Variants in ATP13A1 observed in about 807,000 individuals in gnomAD.
ATP13A1 encodes ATPase 13A1.
Under a neutral mutation model 134.8 loss-of-function variants are expected in ATP13A1, and 55 were observed. That is an observed-to-expected ratio of 0.41 (90% confidence interval 0.33 to 0.51). ATP13A1 has a LOEUF of 0.51. Ranked by LOEUF, ATP13A1 falls within the 20% of genes least tolerant of loss-of-function variation. The probability of loss-of-function intolerance (pLI) is 0.29; values close to 1 mark genes in which losing one functional copy is unlikely to be tolerated. For missense variants in ATP13A1, 1,389 were observed against 1,652.8 expected, an observed-to-expected ratio of 0.84 and a Z score of 2.77; for synonymous variants, 775 against 725.1, an observed-to-expected ratio of 1.07 and a Z score of -1.10.
chr19:19,647,348 G>A lies in ATP13A1; in HGVS notation c.2909-23C>T, dbSNP rs1449910381. Reference sequence around the variant, plus strand: ...AGACTGCAGGGTGGTGGGGAGGCAGGTGTGGGTGTGGGTAGGGGTGCCAAG... The same window carrying A: ...AGACTGCAGGGTGGTGGGGAGGCAGATGTGGGTGTGGGTAGGGGTGCCAAG... On this transcript the variant is annotated intron_variant, in intron 21 of 25. Coordinates refer to ENST00000357324, the MANE Select transcript of ATP13A1 (RefSeq NM_020410.3). This position sits in a 1 kb window ranked among gnomAD's most constrained non-coding sequence, Gnocchi z 4.8. 6.2e-6 allele frequency: 10 copies of A among 1,609,880 alleles called. No homozygotes were observed. Among genetic ancestry groups the A allele is most frequent in the Non-Finnish European group, 8.5e-6 (10 of 1,177,856 alleles).
chr19:19,647,642 C>A lies in ATP13A1; in HGVS notation c.2750G>T (p.Arg917Leu). 1.2e-6 allele frequency: 2 copies of A among 1,613,228 alleles called. No individual in the cohort carries two copies. Among genetic ancestry groups the A allele is most frequent in the South Asian group, 2.2e-5 (2 of 91,068 alleles). Residue 917 changes from arginine (R) to leucine (L), a missense_variant, in exon 20 of 26, where the codon CGG becomes CTG. By Grantham distance (102) the Arg-to-Leu change is moderately radical (BLOSUM62 -2). Coordinates refer to ENST00000357324, the MANE Select transcript of ATP13A1 (RefSeq NM_020410.3). This position sits in a 1 kb window ranked among gnomAD's most constrained non-coding sequence, Gnocchi z 4.8. ...IRATSRTAKQ[R>L]SGLPPSEEQP... ...CTCCTCGGAGGGAGGGAGCCCCGACCGCTGCTTGGCTGTCCTGGAGGTGGC... is the reference window on the plus strand; with the variant it reads ...CTCCTCGGAGGGAGGGAGCCCCGACAGCTGCTTGGCTGTCCTGGAGGTGGC...
chr19:19,651,570 G>T, intron 17 of ATP13A1, 119 bp downstream of exon 17: 1 of 705,070 alleles, frequency 1.4e-6, no homozygotes, highest in Non-Finnish European at 2.3e-6. Flanking sequence ...GATTAGTGGT[G>T]CCAGGCATTT....
intron 1 of ATP13A1, chr19:19,662,079 C>T: frequency 6.3e-7 from 1 of 1,576,494 alleles, no homozygotes; most frequent in Non-Finnish European, 8.6e-7. Flanking sequence ...ATCCACCTCT[C>T]CTGGCTGATG....
Position 19,656,590 on chromosome 19 carries a change from C to G in ATP13A1, c.1083+70G>C, listed in dbSNP as rs978786530. 10 of 1,497,148 alleles carry G rather than the reference C, an allele frequency of 6.7e-6. No individual in the cohort carries two copies. The highest frequency in any genetic ancestry group is 4.2e-5 in the African/African-American group (3 of 72,186). The allele number at this position is 1,497,148 out of a possible 1,614,324, so 92.7% of individuals were successfully genotyped here. A position where few individuals can be genotyped will look rare whatever the true frequency, so the allele number is the denominator to read the frequency against. On this transcript the variant is annotated intron_variant, in intron 7 of 25. Transcript: ENST00000357324. The surrounding 1 kb of genome is among the most constrained non-coding windows in gnomAD (Gnocchi z 4.6). ...TGTGCCTGAGGGGGATCCCCGCCAC[C>G]CCCTGGGCCTCCACCTCCTGGCCTG...
At chr19:19,657,629 C>T (rs936265553) in intron 3 of ATP13A1, among the ~76,000 whole-genome samples, 2 of 152,250 alleles carry the variant, frequency 1.3e-5, no homozygotes, top group African/African-American at 2.4e-5. Context: ...TGCCCGCCCA[C>T]AGCCCTCGGC....
intron 13 of ATP13A1, 57 bp from the exon 14 acceptor site, chr19:19,654,201 C>CT (rs2062042561): frequency 2.7e-6 from 4 of 1,497,422 alleles, no homozygotes; most frequent in Non-Finnish European, 3.6e-6. Context: ...GCAGCCAAGC[C>CT]CCTACCTCTC....
rs970888883 is a variant in ATP13A1, at chr19:19,663,043, T to A, written c.396+228A>T. 3 of 731,334 alleles carry A rather than the reference T, an allele frequency of 4.1e-6. No homozygotes were observed. In the African/African-American group the frequency reaches 5.2e-5, roughly 13 times the overall value. The allele number at this position is 731,334 out of a possible 1,614,324, so 45.3% of individuals were successfully genotyped here. A position where few individuals can be genotyped will look rare whatever the true frequency, so the allele number is the denominator to read the frequency against. ...TTACATCACTGAATCTAAATGACCA[T>A]AACAGGGAGGACTTCAGAAAAAGGA... is the stretch of plus-strand genomic sequence containing the variant. On this transcript the variant is annotated intron_variant, in intron 1 of 25. Coordinates refer to ENST00000357324, the MANE Select transcript of ATP13A1 (RefSeq NM_020410.3).
intron 17 of ATP13A1, 176 bp from the exon 18 acceptor site, chr19:19,650,116 G>C: frequency 1.6e-6 from 1 of 623,546 alleles, no homozygotes; most frequent in Non-Finnish European, 2.8e-6. Context: ...TGTCCCTCAG[G>C]TGCACAGGGT....
At chr19:19,652,352 G>A (rs2062030129) in intron 16 of ATP13A1, among the ~76,000 whole-genome samples, 1 of 152,196 alleles carries the variant, frequency 6.6e-6, no homozygotes, top group South Asian at 2.1e-4. Flanking sequence ...GGAGAGAAGT[G>A]CCCCCATCTT....
In ATP13A1 at chr19:19,647,387, G is replaced by A. The variant is rs371387308; in HGVS notation, c.2908+27C>T. 6.2e-7 allele frequency: 1 copy of A among 1,605,756 alleles called. No individual in the cohort carries two copies. Among genetic ancestry groups the A allele is most frequent in the Non-Finnish European group, 8.5e-7 (1 of 1,174,604 alleles). ...AGGGGTGCCAAGGGGGGAATGAAGG[G>A]AGGGGGAGCGGGGGCAGGCAACTCA... On this transcript the variant is annotated intron_variant, in intron 21 of 25. Coordinates refer to ENST00000357324, the MANE Select transcript of ATP13A1 (RefSeq NM_020410.3). This position sits in a 1 kb window ranked among gnomAD's most constrained non-coding sequence, Gnocchi z 4.8.
In ATP13A1 at chr19:19,655,820, T is replaced by A; in HGVS notation, c.1269+58A>T. ...CAGATGTTCTGGGGTCGGAAAGGGC[T>A]GATACCTTGGCTGTCCAACTGCCCT... is the stretch of plus-strand genomic sequence containing the variant. On this transcript the variant is annotated intron_variant, in intron 9 of 25. Transcript: ENST00000357324. This position sits in a 1 kb window ranked among gnomAD's most constrained non-coding sequence, Gnocchi z 5.7. The A allele has an allele frequency of 6.5e-7, 1 of 1,543,900 alleles. No individual in the cohort carries two copies. Among genetic ancestry groups the A allele is most frequent in the Non-Finnish European group, 8.7e-7 (1 of 1,148,792 alleles).
At chr19:19,662,006 G>T in intron 1 of ATP13A1, 1 of 1,544,434 alleles carries the variant, frequency 6.5e-7, no homozygotes. Flanking sequence ...TCAGTTTACA[G>T]AAGGGGGAAA....
Position 19,656,029 on chromosome 19 carries a change from C to T in ATP13A1, c.1213+25G>A, listed in dbSNP as rs368291581. The T allele has an allele frequency of 3.0e-5, 48 of 1,613,166 alleles. No individual in the cohort carries two copies. Among genetic ancestry groups the T allele is most frequent in the Non-Finnish European group, 4.1e-5 (48 of 1,179,654 alleles). ...GCAAAGGGGGTGGAAGCCCAGATAC[C>T]CCCAGACGCCCATGAGGCACCTACG... On this transcript the variant is annotated intron_variant, in intron 8 of 25. Coordinates refer to ENST00000357324, the MANE Select transcript of ATP13A1 (RefSeq NM_020410.3). This position sits in a 1 kb window ranked among gnomAD's most constrained non-coding sequence, Gnocchi z 4.6.
Position 19,646,473 on chromosome 19 carries a change from G to A in ATP13A1, c.3106-126C>T, listed in dbSNP as rs1568424710. On this transcript the variant is annotated intron_variant, in intron 22 of 25. Coordinates refer to ENST00000357324, the MANE Select transcript of ATP13A1 (RefSeq NM_020410.3). ...GTGTACAGCCACCACCAAATCCTGG[G>A]GGATTCCATGGGTCAGCACCAGTCC... The A allele has an allele frequency of 5.4e-6, 6 of 1,116,282 alleles. No individual in the cohort carries two copies. The South Asian group carries it at 7.4e-5, about 14-fold the overall frequency. 69.1% of individuals were successfully genotyped at this position (1,116,282 alleles called of 1,614,324 possible). A position where few individuals can be genotyped will look rare whatever the true frequency, so the allele number is the denominator to read the frequency against.
intron 3 of ATP13A1, 126 bp from the exon 4 acceptor site, chr19:19,657,534 TC>T: frequency 1.1e-6 from 1 of 946,048 alleles, no homozygotes; most frequent in Non-Finnish European, 1.5e-6. Context: ...TATGTGGGCG[TC>T]GGGAGCCCTG....
chr19:19,645,223 A>C lies in ATP13A1; in HGVS notation c.*199T>G. On this transcript the variant is annotated 3_prime_UTR_variant, in exon 26 of 26. Coordinates refer to ENST00000357324, the MANE Select transcript of ATP13A1 (RefSeq NM_020410.3). This position sits in a 1 kb window ranked among gnomAD's most constrained non-coding sequence, Gnocchi z 4.1. Reference sequence around the variant, plus strand: ...TTTTTAAAATCTCAGATGCTGCTTTATTTACCAAAGGTGCTGGCTTGGGGC... The same window carrying C: ...TTTTTAAAATCTCAGATGCTGCTTTCTTTACCAAAGGTGCTGGCTTGGGGC... 1.6e-6 allele frequency: 1 copy of C among 618,326 alleles called. No individual in the cohort carries two copies. The highest frequency in any genetic ancestry group is 2.9e-6 in the Non-Finnish European group (1 of 348,908). 38.3% of individuals were successfully genotyped at this position (618,326 alleles called of 1,614,324 possible). A position where few individuals can be genotyped will look rare whatever the true frequency, so the allele number is the denominator to read the frequency against.
At chr19:19,662,363 G>A in intron 1 of ATP13A1, 6 of 985,360 alleles carry the variant, frequency 6.1e-6, no homozygotes, top group Non-Finnish European at 7.2e-6. Context: ...AGCCAGCCAG[G>A]GTGGGGGGCT....
Position 19,651,762 on chromosome 19 carries a change from T to C in ATP13A1, c.2262A>G (p.Ala754=), listed in dbSNP as rs1365573254. ...VMITGDNPLT[A]CHVAQELHFI... is the part of the protein sequence containing the mutation. ...AGTGCAGCTCCTGGGCCACGTGGCA[T>C]GCAGTGAGCGGGTTGTCTCCCGTGA... Residue 754 remains alanine (A), a synonymous_variant, in exon 17 of 26, where the codon GCA becomes GCG. Transcript: ENST00000357324. 3.1e-6 allele frequency: 5 copies of C among 1,613,268 alleles called. No individual in the cohort carries two copies. Among genetic ancestry groups the C allele is most frequent in the African/African-American group, 1.3e-5 (1 of 74,946 alleles).
At chr19:19,662,394 G>C (rs1260336076) in intron 1 of ATP13A1, 4 of 981,410 alleles carry the variant, frequency 4.1e-6, no homozygotes, top group African/African-American at 1.8e-5. Context: ...TGTAGCCCTT[G>C]ATGCTGTTCC....
Sources: gnomAD v4.1 joint callset for allele counts (sites outside exome capture counted in the v4.1 genomes callset) on GRCh38, gnomAD v4.1.1 for gene constraint, Gnocchi (gnomAD v3.1) non-coding constraint, MANE v1.5 for transcripts, NCBI Gene and HGNC (gene_info 2026-07-23, HGNC 2026-07-21) for gene names.